Variants in R3HDM2 observed in about 807,000 individuals in gnomAD.
R3HDM2 encodes the protein R3H domain containing 2.
R3HDM2 carries 38 observed loss-of-function variants against 124.5 expected under a neutral mutation model. The observed-to-expected ratio is 0.31, with a 90% CI of 0.24 to 0.40. The LOEUF (loss-of-function observed/expected upper bound fraction) is 0.40. Ranked by LOEUF, R3HDM2 falls within the 10% of genes least tolerant of loss-of-function variation. The pLI, the probability that R3HDM2 is intolerant of heterozygous loss-of-function variation, is 1.00. For missense variants in R3HDM2, 869 were observed against 1,236.9 expected (o/e 0.70, Z 4.46); for synonymous variants, 391 against 448.0 (o/e 0.87, Z 1.61).
chr12:57,266,619 G>C, intron 19 of R3HDM2, 112 bp downstream of exon 19: 1 of 811,774 alleles, frequency 1.2e-6, no homozygotes, highest in East Asian at 2.8e-5. Context: ...GTCACAGTGG[G>C]GACAGACCCA....
chr12:57,302,960 T>C (rs886966692), intron 4 of R3HDM2, among the ~76,000 whole-genome samples: 1 of 152,212 alleles, frequency 6.6e-6, no homozygotes, highest in Non-Finnish European at 1.5e-5. Flanking sequence ...CAAATGTGTA[T>C]ACACCTATGT....
intron 3 of R3HDM2, among the ~76,000 whole-genome samples, chr12:57,306,511 C>T (rs928084965): frequency 3.3e-5 from 5 of 151,810 alleles, no homozygotes; most frequent in African/African-American, 4.8e-5. Flanking sequence ...TGGGTTCAAG[C>T]GATTCTCCTG....
intron 1 of R3HDM2, among the ~76,000 whole-genome samples, chr12:57,407,702 G>A (rs1254790007): frequency 6.6e-6 from 1 of 152,010 alleles, no homozygotes; most frequent in Non-Finnish European, 1.5e-5. Flanking sequence ...ACCACACCCA[G>A]CCTGGAATTA....
At chr12:57,326,031 C>A (rs2057272251) in intron 2 of R3HDM2, among the ~76,000 whole-genome samples, 1 of 152,116 alleles carries the variant, frequency 6.6e-6, no homozygotes, top group Non-Finnish European at 1.5e-5. Flanking sequence ...CATCAGTGAT[C>A]TTTGATGTCG....
At chr12:57,396,673 G>A (rs2067555165) in intron 1 of R3HDM2, among the ~76,000 whole-genome samples, 1 of 150,566 alleles carries the variant, frequency 6.6e-6, no homozygotes, top group African/African-American at 2.4e-5. Flanking sequence ...CAGCTACTCA[G>A]AAGGCTGAGC....
chr12:57,334,118 C>T (rs1423803590), intron 2 of R3HDM2, among the ~76,000 whole-genome samples: 1 of 152,164 alleles, frequency 6.6e-6, no homozygotes, highest in Admixed American at 6.5e-5. Flanking sequence ...CATAGTTAGA[C>T]TTAGACTTAG....
intron 12 of R3HDM2, among the ~76,000 whole-genome samples, chr12:57,287,753 T>A (rs2047665485): frequency 6.6e-6 from 1 of 152,148 alleles, no homozygotes; most frequent in South Asian, 2.1e-4. Flanking sequence ...TTTCTATTGG[T>A]AAATTGGGAA....
intron 2 of R3HDM2, among the ~76,000 whole-genome samples, chr12:57,319,399 G>T (rs2055897194): frequency 6.6e-6 from 1 of 152,102 alleles, no homozygotes; most frequent in East Asian, 1.9e-4. Flanking sequence ...TAGTAACTGT[G>T]AAAAATGTCC....
intron 2 of R3HDM2, among the ~76,000 whole-genome samples, chr12:57,335,189 C>T (rs189793427): frequency 5.3e-5 from 8 of 151,630 alleles, no homozygotes; most frequent in African/African-American, 1.7e-4. Flanking sequence ...TTTAGTACTG[C>T]TGATCTGTGT....
intron 2 of R3HDM2, among the ~76,000 whole-genome samples, chr12:57,379,375 G>A (rs1328696160): frequency 3.3e-5 from 5 of 152,152 alleles, no homozygotes; most frequent in African/African-American, 1.2e-4. Context: ...GAGTTCAGAA[G>A]TTTGAGACCA....
In R3HDM2 at chr12:57,269,418, T is replaced by C; in HGVS notation, c.1619A>G (p.Tyr540Cys). The change falls in exon 16 of 24, where the codon TAT (tyrosine) becomes TGT (cysteine). Residue 540 changes from tyrosine to cysteine, a missense_variant. By Grantham distance (194) the Tyr-to-Cys change is radical (BLOSUM62 -2). Around this residue, in one of 2 missense-constraint regions of R3HDM2, gnomAD observed 602 missense variants for 789.2 expected, o/e 0.76. Coordinates refer to ENST00000402412, the MANE Select transcript of R3HDM2 (RefSeq NM_001394031.1). The part of the protein sequence containing the change: ...IQVSYYPPGQ[Y>C]PNSNQQYRPL... ...TCGATATTGCTGGTTGGAGTTAGGA[T>C]ATTGTCCAGGGGGATAGTAAGAAAC... 3.7e-6 allele frequency: 6 copies of C among 1,614,122 alleles called. No homozygotes were observed. The highest frequency in any genetic ancestry group is 5.1e-6 in the Non-Finnish European group (6 of 1,180,010).
At chr12:57,430,222 G>C (rs1259222775) in intron 1 of R3HDM2, among the ~76,000 whole-genome samples, 1 of 152,144 alleles carries the variant, frequency 6.6e-6, no homozygotes, top group African/African-American at 2.4e-5. Context: ...AGGGGCTCGA[G>C]TAGTTATGAG....
In R3HDM2 at chr12:57,287,140, G is replaced by A. The variant is rs534782011; in HGVS notation, c.938+1869C>T. Among the ~76,000 whole-genome samples, 4 of 152,322 alleles carry A rather than the reference G, an allele frequency of 2.6e-5. No individual in the cohort carries two copies. In the South Asian group the frequency reaches 8.3e-4, roughly 32 times the overall value. ...CTCCATTTTTGCTTCTATTAGCCAT[G>A]TAAACTTGGGCTAGCCACTTAAATC... On this transcript the variant is annotated intron_variant, in intron 12 of 23. Transcript: ENST00000402412.
At chr12:57,391,005 T>C (rs1441899251) in intron 2 of R3HDM2, among the ~76,000 whole-genome samples, 3 of 139,232 alleles carry the variant, frequency 2.2e-5, no homozygotes, top group Admixed American at 7.4e-5. Flanking sequence ...ACAACAAAAC[T>C]CCGTCTCAAA....
chr12:57,292,356 A>G (rs1316251492), intron 11 of R3HDM2, among the ~76,000 whole-genome samples: 1 of 152,228 alleles, frequency 6.6e-6, no homozygotes, highest in Non-Finnish European at 1.5e-5. Flanking sequence ...TGAATACCAT[A>G]TGGCAGAATG....
intron 1 of R3HDM2, among the ~76,000 whole-genome samples, chr12:57,405,444 G>A (rs879838999): frequency 3.3e-5 from 5 of 152,044 alleles, no homozygotes; most frequent in African/African-American, 4.8e-5. Flanking sequence ...GACCAGCCTG[G>A]GCAACATAGT....
At chr12:57,392,819 T>G (rs905777687) in intron 2 of R3HDM2, among the ~76,000 whole-genome samples, 3 of 151,004 alleles carry the variant, frequency 2.0e-5, no homozygotes, top group African/African-American at 7.3e-5. Context: ...TTTTTTTTTT[T>G]TTTTTGCTAG....
intron 2 of R3HDM2, among the ~76,000 whole-genome samples, chr12:57,339,767 G>C (rs1418342504): frequency 6.6e-6 from 1 of 151,940 alleles, no homozygotes; most frequent in Admixed American, 6.6e-5. Flanking sequence ...AGTGGGCTAG[G>C]AGAGGAAGAT....
intron 2 of R3HDM2, among the ~76,000 whole-genome samples, chr12:57,386,161 A>AGCCCTCGCC (rs1373790164): frequency 2.0e-5 from 3 of 152,172 alleles, no homozygotes; most frequent in Non-Finnish European, 4.4e-5. Context: ...CAGCGCTCGC[A>AGCCCTCGCC]GCCCTCCCTC....
Sources: allele counts gnomAD v4.1 joint callset (sites outside exome capture counted in the v4.1 genomes callset), GRCh38; gene constraint gnomAD v4.1.1; regional missense constraint gnomAD v4.1.1; transcripts MANE v1.5; gene names NCBI Gene and HGNC (gene_info 2026-07-23, HGNC 2026-07-21).